Variants in SPSB4 observed in about 807,000 individuals in gnomAD.
SPSB4 encodes the protein SPRY domain-containing SOCS box protein 4.
SPSB4 carries 21 observed loss-of-function variants against 20.9 expected under a neutral mutation model. The ratio of observed to expected loss-of-function variants is 1.01; its 90% CI spans 0.71 to 1.45. The LOEUF is 1.45. Among genes scored for constraint, SPSB4 ranks in the 40% most tolerant of loss-of-function variants. SPSB4 has a pLI of 0.00. For synonymous variants in SPSB4, 207 were observed against 183.8 expected, an observed-to-expected ratio of 1.13 and a Z score of -1.02; for missense variants, 399 against 399.2, an observed-to-expected ratio of 1.00 and a Z score of 0.00.
chr3:141,083,315 T>A (rs1938276458), intron 2 of SPSB4, among the ~76,000 whole-genome samples: 1 of 152,122 alleles, frequency 6.6e-6, no homozygotes, highest in African/African-American at 2.4e-5. Flanking sequence ...GTACTGTGAC[T>A]TTTCCAAGGA....
chr3:141,140,069 T>C (rs1206065218), intron 2 of SPSB4, among the ~76,000 whole-genome samples: 4 of 152,196 alleles, frequency 2.6e-5, no homozygotes. Flanking sequence ...CTCTTCACGC[T>C]TCATTTCATT....
intron 2 of SPSB4, among the ~76,000 whole-genome samples, chr3:141,081,910 C>T (rs1938240244): frequency 6.6e-6 from 1 of 152,136 alleles, no homozygotes. Flanking sequence ...CCTAGACTGT[C>T]CTCAGTTATG....
chr3:141,102,323 C>T (rs1002988360), intron 2 of SPSB4, among the ~76,000 whole-genome samples: 13 of 152,168 alleles, frequency 8.5e-5, no homozygotes, highest in African/African-American at 2.9e-4. Context: ...CCCCATGGAA[C>T]GTACAACTTA....
At chr3:141,125,200 G>A (rs1199313229) in intron 2 of SPSB4, among the ~76,000 whole-genome samples, 1 of 152,172 alleles carries the variant, frequency 6.6e-6, no homozygotes, top group South Asian at 2.1e-4. Flanking sequence ...TTTTTCATAT[G>A]AAGAACTGAT....
chr3:141,132,076 G>T (rs1236189004), intron 2 of SPSB4: 1 of 215,330 alleles, frequency 4.6e-6, no homozygotes, highest in Non-Finnish European at 9.6e-6. Context: ...CTTTAGTGGT[G>T]ATTTATGAAA....
intron 2 of SPSB4, among the ~76,000 whole-genome samples, chr3:141,093,509 C>T (rs559482092): frequency 1.3e-5 from 2 of 152,126 alleles, no homozygotes; most frequent in East Asian, 1.9e-4. Context: ...AGGTGTAATG[C>T]ATCACAGTGT....
At chr3:141,077,919 C>A (rs1017680641) in intron 2 of SPSB4, among the ~76,000 whole-genome samples, 3 of 152,238 alleles carry the variant, frequency 2.0e-5, no homozygotes, top group Non-Finnish European at 2.9e-5. Context: ...CGCTCAGGCA[C>A]CCCATCACTG....
chr3:141,058,335 A>G (rs533306607), intron 1 of SPSB4, among the ~76,000 whole-genome samples: 40 of 152,326 alleles, frequency 2.6e-4, no homozygotes, highest in Non-Finnish European at 5.3e-4. Flanking sequence ...TTAGCAAATT[A>G]GAGTTTTTGT....
chr3:141,136,145 T>G (rs1043992977), intron 2 of SPSB4, among the ~76,000 whole-genome samples: 1 of 152,256 alleles, frequency 6.6e-6, no homozygotes, highest in South Asian at 2.1e-4. Context: ...TGTCTTCTTT[T>G]GAGAAGGGTC....
chr3:141,110,599 C>T (rs1446237191), intron 2 of SPSB4, among the ~76,000 whole-genome samples: 1 of 152,212 alleles, frequency 6.6e-6, no homozygotes, highest in Non-Finnish European at 1.5e-5. Flanking sequence ...CATTGCTGTT[C>T]AGCAGGAGGC....
chr3:141,106,416 G>A (rs1196793454), intron 2 of SPSB4, among the ~76,000 whole-genome samples: 3 of 152,142 alleles, frequency 2.0e-5, no homozygotes, highest in African/African-American at 7.2e-5. Flanking sequence ...TGCTCTGACT[G>A]CAGTCCTCTT....
chr3:141,069,742 C>G (rs1023231954), intron 2 of SPSB4, among the ~76,000 whole-genome samples: 1 of 152,168 alleles, frequency 6.6e-6, no homozygotes, highest in South Asian at 2.1e-4. Flanking sequence ...CTCACCGGCA[C>G]AGAGCAGACA....
intron 2 of SPSB4, among the ~76,000 whole-genome samples, chr3:141,082,260 C>A (rs1938246683): frequency 6.6e-6 from 1 of 152,212 alleles, no homozygotes; most frequent in Non-Finnish European, 1.5e-5. Context: ...TGGGCTTTGC[C>A]AGGTCTCCCA....
At chr3:141,076,821 G>C (rs7624238) in intron 2 of SPSB4, 22,083 of 152,230 alleles carry the variant, frequency 0.15, 4,974 homozygotes, top group African/African-American at 0.49. Context: ...GCATTGGCAG[G>C]CCCCAGTACC....
intron 2 of SPSB4, chr3:141,132,170 C>CT (rs1939142806): frequency 2.3e-6 from 1 of 432,210 alleles, no homozygotes; most frequent in South Asian, 1.6e-5. Flanking sequence ...TCCATTATAT[C>CT]TTTGTTTTTT....
rs550650522 is a variant in SPSB4 at position 141,070,114 on chromosome 3, G to A, written c.694+3316G>A. Among the ~76,000 whole-genome samples the A allele has an allele frequency of 5.9e-5, 9 of 152,214 alleles. No homozygotes were observed. The East Asian group carries it at 9.7e-4, about 16-fold the overall frequency. On this transcript the variant is annotated intron_variant, in intron 2 of 2. Coordinates refer to ENST00000310546, the MANE Select transcript of SPSB4 (RefSeq NM_080862.3). ...AGCTAACTACAAAGAGCTGCAGGAC[G>A]CACAGGGGCCCTGCCATCTAAGTGA... is the stretch of plus-strand genomic sequence containing the variant.
At chr3:141,079,869 G>A (rs1177781039) in intron 2 of SPSB4, among the ~76,000 whole-genome samples, 2 of 152,084 alleles carry the variant, frequency 1.3e-5, no homozygotes, top group Non-Finnish European at 2.9e-5. Flanking sequence ...GGGGAAGAGC[G>A]AGTCAGTGGG....
At chr3:141,109,829 C>T (rs948297460) in intron 2 of SPSB4, among the ~76,000 whole-genome samples, 1 of 152,192 alleles carries the variant, frequency 6.6e-6, no homozygotes, top group Non-Finnish European at 1.5e-5. Flanking sequence ...GGGCAGGTCA[C>T]AGGCTGGGAG....
At chr3:141,109,833 C>CCCAAT (rs1260331667) in intron 2 of SPSB4, among the ~76,000 whole-genome samples, 1 of 152,198 alleles carries the variant, frequency 6.6e-6, no homozygotes, top group African/African-American at 2.4e-5. Flanking sequence ...AGGTCACAGG[C>CCCAAT]TGGGAGCAGT....
Sources: allele counts gnomAD v4.1 joint callset (sites outside exome capture counted in the v4.1 genomes callset), GRCh38; gene constraint gnomAD v4.1.1; transcripts MANE v1.5; gene names NCBI Gene and HGNC (gene_info 2026-07-23, HGNC 2026-07-21).